SSX5: variants seen among roughly 807,000 people sequenced by gnomAD.
The protein encoded by SSX5 is SSX family member 5.
Under a neutral mutation model 14.9 loss-of-function variants are expected in SSX5, and 14 were observed. That is an observed-to-expected ratio of 0.94 (90% CI 0.62 to 1.47). The LOEUF (loss-of-function observed/expected upper bound fraction) is 1.47. Ranked by LOEUF, SSX5 falls within the 40% of genes most tolerant of loss-of-function variation. The pLI is 0.00. For missense variants in SSX5, 204 were observed against 154.6 expected, an observed-to-expected ratio of 1.32 and a Z score of -1.70; for synonymous variants, 70 against 55.4, an observed-to-expected ratio of 1.26 and a Z score of -1.17.
intron 7 of SSX5, 31 bp downstream of exon 7, chrX:48,187,596 G>T: frequency 8.4e-7 from 1 of 1,184,552 alleles, no homozygotes; most frequent in Non-Finnish European, 1.1e-6. Context: ...CATCTGCAAG[G>T]ATGTGGGAGA....
chrX:48,191,405 A>C (rs12832677), intron 5 of SSX5, among the ~76,000 whole-genome samples: 1 of 111,760 alleles, frequency 8.9e-6, no homozygotes. Context: ...TCTAAACCAG[A>C]GTTGAATCTG....
At chrX:48,191,651 GT>G (rs1398651450) in intron 5 of SSX5, among the ~76,000 whole-genome samples, 1 of 107,378 alleles carries the variant, frequency 9.3e-6, no homozygotes, top group African/African-American at 3.4e-5. Flanking sequence ...CCCTACGGGG[GT>G]GAAGCCCTAG....
chrX:48,186,471 C>A lies in SSX5; in HGVS notation c.*390G>T, dbSNP rs185950141. ...TTTGTGTAAATGCAGAGGAAAAAAT[C>A]TGAAATTAAACACTCAGAACTGCCC... is the stretch of plus-strand genomic sequence containing the variant. On this transcript the variant is annotated 3_prime_UTR_variant, in exon 8 of 8. Coordinates refer to ENST00000347757, the MANE Select transcript of SSX5 (RefSeq NM_175723.2). 6.4e-6 allele frequency: 2 copies of A among 311,783 alleles called. No homozygotes were observed. The highest frequency in any genetic ancestry group is 5.9e-5 in the East Asian group (1 of 16,927). The allele number at this position is 311,783 out of a possible 1,213,427, so 25.7% of individuals were successfully genotyped here. A position where few individuals can be genotyped will look rare whatever the true frequency, so the allele number is the denominator to read the frequency against.
At chrX:48,196,498 C>T (rs1270210341) in intron 1 of SSX5, among the ~76,000 whole-genome samples, 2 of 108,393 alleles carry the variant, frequency 1.8e-5, no homozygotes, top group South Asian at 4.1e-4. Context: ...CCAGCTGTGG[C>T]CTCCAAAACT....
At position 48,192,238 on chromosome X, in the gene SSX5, G is replaced by C; in HGVS notation, c.324C>G (p.Phe108Leu). Residue 108 changes from phenylalanine to leucine, a missense_variant, in exon 5 of 8, where the codon TTC (phenylalanine) becomes TTG (leucine). Coordinates refer to ENST00000347757, the MANE Select transcript of SSX5 (RefSeq NM_175723.2). ...AGATTTGAGAGACACTCACCTTCGG[G>C]AAGATTCCCTGGAGCCTGCCGAAAG... ...QMTFGRLQGI[F>L]PKITPEKPAE... The C allele has an allele frequency of 8.3e-7, 1 of 1,211,456 alleles. No individual in the cohort carries two copies. Among genetic ancestry groups the C allele is most frequent in the Non-Finnish European group, 1.1e-6 (1 of 895,239 alleles).
intron 5 of SSX5, among the ~76,000 whole-genome samples, chrX:48,190,646 T>G (rs1170491862): frequency 9.0e-6 from 1 of 111,469 alleles, no homozygotes; most frequent in Non-Finnish European, 1.9e-5. Context: ...TATAAGCTCG[T>G]AGACAGCTGC....
At chrX:48,194,013 T>C in intron 4 of SSX5, 116 bp downstream of exon 4, 2 of 933,194 alleles carry the variant, frequency 2.1e-6, no homozygotes, top group East Asian at 3.2e-5. Context: ...TTTTTTTTTT[T>C]CACTCAGCCC....
At position 48,190,342 on chromosome X, in the gene SSX5, T is replaced by C. The variant is rs1316759864; in HGVS notation, c.331-74A>G. The C allele has an allele frequency of 1.2e-5, 13 of 1,066,721 alleles. No homozygotes were observed. In the African/African-American group the frequency reaches 2.1e-4, roughly 17 times the overall value. 87.9% of individuals were successfully genotyped at this position (1,066,721 alleles called of 1,213,427 possible). On this transcript the variant is annotated intron_variant, in intron 5 of 7. Transcript: ENST00000347757. ...AGTGCTTTAGAGCTTACAAAGAATCTTCACATGCATTACCTTAATCAATGT... is the reference window on the plus strand; with the variant it reads ...AGTGCTTTAGAGCTTACAAAGAATCCTCACATGCATTACCTTAATCAATGT...
intron 5 of SSX5, among the ~76,000 whole-genome samples, chrX:48,190,599 C>G (rs1305556992): frequency 1.8e-5 from 2 of 111,745 alleles, no homozygotes; most frequent in Admixed American, 1.9e-4. Flanking sequence ...ACAAGGTCTA[C>G]AAAGGGAAGA....
In SSX5 at chrX:48,186,522, G is replaced by A. The variant is rs1441075702; in HGVS notation, c.*339C>T. On this transcript the variant is annotated 3_prime_UTR_variant, in exon 8 of 8. Transcript: ENST00000347757. ...TCAGTGGTCACATCTGGGAAGAGAGGAGGGTAGTGTTGTTCTATGCAGAGA... is the reference window on the plus strand; with the variant it reads ...TCAGTGGTCACATCTGGGAAGAGAGAAGGGTAGTGTTGTTCTATGCAGAGA... The A allele has an allele frequency of 7.7e-6, 3 of 391,304 alleles. No homozygotes were observed. Among genetic ancestry groups the A allele is most frequent in the Admixed American group, 4.4e-5 (1 of 22,962 alleles). The allele number at this position is 391,304 out of a possible 1,213,427, so 32.2% of individuals were successfully genotyped here. A position where few individuals can be genotyped will look rare whatever the true frequency, so the allele number is the denominator to read the frequency against.
intron 4 of SSX5, among the ~76,000 whole-genome samples, chrX:48,193,393 C>T (rs2059427634): frequency 9.0e-6 from 1 of 110,930 alleles, no homozygotes; most frequent in Non-Finnish European, 1.9e-5. Flanking sequence ...TGAGTCCAGT[C>T]GGATCTCAAC....
chrX:48,192,524 T>C (rs1416486568), intron 4 of SSX5: 2 of 437,958 alleles, frequency 4.6e-6, no homozygotes, highest in Non-Finnish European at 8.0e-6. Flanking sequence ...CAGTCTCATC[T>C]TTTTCCATTA....
intron 5 of SSX5, among the ~76,000 whole-genome samples, chrX:48,191,586 A>G (rs1422132615): frequency 9.0e-6 from 1 of 111,619 alleles, no homozygotes; most frequent in African/African-American, 3.3e-5. Flanking sequence ...CAGATCAGAG[A>G]CCAGATGGTC....
chrX:48,191,049 C>T (rs1162378626), intron 5 of SSX5, among the ~76,000 whole-genome samples: 2 of 110,076 alleles, frequency 1.8e-5, no homozygotes, highest in East Asian at 2.8e-4. Flanking sequence ...GGACTACAGG[C>T]AGGCACTACC....
chrX:48,190,352 T>C, intron 5 of SSX5, 84 bp from the exon 6 acceptor site: 2 of 1,060,809 alleles, frequency 1.9e-6, no homozygotes, highest in Non-Finnish European at 2.5e-6. Flanking sequence ...TTCACATGCA[T>C]TACCTTAATC....
intron 4 of SSX5, among the ~76,000 whole-genome samples, chrX:48,193,308 C>T (rs2059427240): frequency 1.8e-5 from 2 of 108,283 alleles, no homozygotes; most frequent in South Asian, 4.1e-4. Flanking sequence ...GATTCATTAA[C>T]AGTGCTTAGG....
chrX:48,186,400 GTGTGCGCGCGCGCGCGCATGTGTGTCT>G lies in SSX5; in HGVS notation c.*434_*460del, dbSNP rs2059396656. 4.2e-6 allele frequency: 1 copy of G among 237,325 alleles called. No individual in the cohort carries two copies. The highest frequency in any genetic ancestry group is 3.1e-5 in the African/African-American group (1 of 32,638). The allele number at this position is 237,325 out of a possible 1,213,427, so 19.6% of individuals were successfully genotyped here. Reference sequence around the variant, plus strand: ...TGTGTGTGTGTGTGTGTGTGTGTGTGTGTGCGCGCGCGCGCGCATGTGTGTCTGTGTGGCATGTGTGTGTGTTTGTGT... The same window carrying G: ...TGTGTGTGTGTGTGTGTGTGTGTGTGGTGTGGCATGTGTGTGTGTTTGTGT... On this transcript the variant is annotated 3_prime_UTR_variant, in exon 8 of 8. Transcript: ENST00000347757.
rs1188238925 is a variant in SSX5 at position 48,186,443 on chromosome X, GTGTT to G, written c.*414_*417del. 6.7e-6 allele frequency: 2 copies of G among 298,853 alleles called. No individual in the cohort carries two copies. The highest frequency in any genetic ancestry group is 1.2e-5 in the Non-Finnish European group (2 of 167,114). 24.6% of individuals were successfully genotyped at this position (298,853 alleles called of 1,213,427 possible). A position where few individuals can be genotyped will look rare whatever the true frequency, so the allele number is the denominator to read the frequency against. ...ATGTGTGTCTGTGTGGCATGTGTGT[GTGTT>G]TGTGTAAATGCAGAGGAAAAAATCT... On this transcript the variant is annotated 3_prime_UTR_variant, in exon 8 of 8. Coordinates refer to ENST00000347757, the MANE Select transcript of SSX5 (RefSeq NM_175723.2).
In SSX5 at chrX:48,194,163, A is replaced by G; in HGVS notation, c.246T>C (p.Asn82=). 7.4e-6 allele frequency: 9 copies of G among 1,210,491 alleles called. No homozygotes were observed. Among genetic ancestry groups the G allele is most frequent in the Middle Eastern group, 2.3e-4 (1 of 4,348 alleles). The change falls in exon 4 of 8, where the codon AAT becomes AAC. Residue 82 remains asparagine (N), a synonymous_variant. Transcript: ENST00000347757. The part of the protein sequence containing the change: ...RNKRVADFQG[N]DFDNDPNRGN... ...CACGGTTAGGGTCATTATCAAAATC[A>G]TTCCCCTGGAAGTCTGCGACCCGTT...
Sources: gnomAD v4.1 joint callset for allele counts (sites outside exome capture counted in the v4.1 genomes callset) on GRCh38, gnomAD v4.1.1 for gene constraint, MANE v1.5 for transcripts, NCBI Gene and HGNC (gene_info 2026-07-23, HGNC 2026-07-21) for gene names.